GLG1: variants seen among roughly 807,000 people sequenced by gnomAD.
GLG1 encodes Golgi apparatus protein 1.
A neutral mutation model predicts 160.5 loss-of-function variants in GLG1; 38 were observed. The ratio of observed to expected loss-of-function variants is 0.24; its 90% CI spans 0.18 to 0.31. The LOEUF is 0.31. GLG1 is among the 10% of genes least tolerant of loss of function. The pLI, the probability that GLG1 is intolerant of heterozygous loss-of-function variation, is 1.00. For synonymous variants in GLG1, 644 were observed against 543.4 expected (o/e 1.19, Z -2.57); for missense variants, 1,373 against 1,505.2 (o/e 0.91, Z 1.45).
At chr16:74,566,398 T>G (rs2018655393) in intron 1 of GLG1, among the ~76,000 whole-genome samples, 1 of 152,246 alleles carries the variant, frequency 6.6e-6, no homozygotes, top group Non-Finnish European at 1.5e-5. Flanking sequence ...CTACCACGGC[T>G]TCATCGTTCC....
At chr16:74,473,216 T>C (rs1209157131) in intron 13 of GLG1, among the ~76,000 whole-genome samples, 1 of 152,064 alleles carries the variant, frequency 6.6e-6, no homozygotes, top group Admixed American at 6.6e-5. Context: ...TCCCCCTTTT[T>C]TTTTTTCTTT....
chr16:74,529,271 G>A (rs982253800), intron 2 of GLG1, among the ~76,000 whole-genome samples: 1 of 152,036 alleles, frequency 6.6e-6, no homozygotes, highest in East Asian at 1.9e-4. Flanking sequence ...ACCTGGCCAT[G>A]AATCTGTTTT....
rs1671703336 is a variant in GLG1, at chr16:74,450,925, T to C, written c.*2242A>G. On this transcript the variant is annotated 3_prime_UTR_variant, in exon 26 of 26. Coordinates refer to ENST00000422840, the MANE Select transcript of GLG1 (RefSeq NM_001145667.2). ...CCAAATCTGCAGACAACGAATGGGA[T>C]TTTCTCTCAATTCAGAAAGAACAGA... 2 of 151,076 alleles carry C rather than the reference T, an allele frequency of 1.3e-5. No homozygotes were observed. The highest frequency in any genetic ancestry group is 2.9e-5 in the Non-Finnish European group (2 of 67,908). The allele number at this position is 151,076 out of a possible 1,614,324, so 9.4% of individuals were successfully genotyped here.
chr16:74,470,946 G>A (rs968400765), intron 15 of GLG1, among the ~76,000 whole-genome samples: 4 of 150,684 alleles, frequency 2.7e-5, no homozygotes, highest in Admixed American at 6.6e-5. Context: ...CAGTAGAGAC[G>A]GAGTTTCACC....
At chr16:74,584,050 T>C (rs909157082) in intron 1 of GLG1, among the ~76,000 whole-genome samples, 2 of 152,192 alleles carry the variant, frequency 1.3e-5, no homozygotes, top group Admixed American at 6.6e-5. Context: ...GAGGTCTCAT[T>C]GTAACAGCAG....
intron 1 of GLG1, among the ~76,000 whole-genome samples, chr16:74,585,124 C>A (rs1958018767): frequency 3.1e-4 from 1 of 3,268 alleles, no homozygotes; most frequent in Admixed American, 4.5e-3. Flanking sequence ...GTAAAATTGA[C>A]CAGGCACAGT....
chr16:74,483,378 G>A (rs1056003588), intron 9 of GLG1, among the ~76,000 whole-genome samples: 3 of 152,176 alleles, frequency 2.0e-5, no homozygotes, highest in African/African-American at 7.2e-5. Flanking sequence ...AACTGGTTAT[G>A]AAAACTTTCC....
chr16:74,548,613 G>T (rs1296849682), intron 1 of GLG1, among the ~76,000 whole-genome samples: 1 of 151,866 alleles, frequency 6.6e-6, no homozygotes, highest in Non-Finnish European at 1.5e-5. Context: ...CTTCCTTCGT[G>T]GACAATTTTT....
intron 7 of GLG1, 132 bp from the exon 8 acceptor site, chr16:74,491,347 A>T: frequency 1.4e-6 from 1 of 701,320 alleles, no homozygotes; most frequent in Non-Finnish European, 2.4e-6. Context: ...ACATCTGAAA[A>T]GTTTAGAATT....
rs533238774 is a variant in GLG1, at chr16:74,505,371, T to C, written c.559-1625A>G. Among the ~76,000 whole-genome samples the C allele has an allele frequency of 2.6e-5, 4 of 152,320 alleles. No homozygotes were observed. The South Asian group carries it at 6.2e-4, about 24-fold the overall frequency. On this transcript the variant is annotated intron_variant, in intron 3 of 25. Coordinates refer to ENST00000422840, the MANE Select transcript of GLG1 (RefSeq NM_001145667.2). Reference sequence around the variant, plus strand: ...CAGAGACAGCAGAGATTTTCAACAGTCAAGATGAATGAAATTCTTTCAGTT... The same window carrying C: ...CAGAGACAGCAGAGATTTTCAACAGCCAAGATGAATGAAATTCTTTCAGTT...
At chr16:74,531,729 A>G (rs2017541140) in intron 2 of GLG1, among the ~76,000 whole-genome samples, 1 of 152,124 alleles carries the variant, frequency 6.6e-6, no homozygotes, top group Non-Finnish European at 1.5e-5. Flanking sequence ...AGCACCCAAT[A>G]CTTTTTGCAC....
chr16:74,564,255 C>A (rs2018589832), intron 1 of GLG1, among the ~76,000 whole-genome samples: 1 of 152,166 alleles, frequency 6.6e-6, no homozygotes, highest in African/African-American at 2.4e-5. Context: ...GATGAATATA[C>A]TGGATATTAC....
At chr16:74,559,601 G>A (rs535115902) in intron 1 of GLG1, among the ~76,000 whole-genome samples, 2 of 152,046 alleles carry the variant, frequency 1.3e-5, no homozygotes, top group Non-Finnish European at 2.9e-5. Context: ...ATTTTAGAGA[G>A]TGAAATATGC....
chr16:74,522,964 C>T (rs2017217482), intron 2 of GLG1, among the ~76,000 whole-genome samples: 1 of 152,138 alleles, frequency 6.6e-6, no homozygotes, highest in Admixed American at 6.6e-5. Flanking sequence ...GATTACAGGC[C>T]AGAGCCACGG....
chr16:74,545,429 C>T (rs1043732668), intron 1 of GLG1, among the ~76,000 whole-genome samples: 8 of 152,166 alleles, frequency 5.3e-5, no homozygotes, highest in Non-Finnish European at 1.2e-4. Context: ...GATCCACACA[C>T]CTCAGCCTCC....
intron 24 of GLG1, 69 bp downstream of exon 24, chr16:74,457,805 G>A (rs2014617804): frequency 2.1e-6 from 3 of 1,453,488 alleles, no homozygotes; most frequent in Non-Finnish European, 2.9e-6. Flanking sequence ...TGCAACTGAT[G>A]TCTAAGAGGG....
intron 18 of GLG1, among the ~76,000 whole-genome samples, chr16:74,466,429 T>C (rs2015002980): frequency 6.6e-6 from 1 of 152,134 alleles, no homozygotes; most frequent in Non-Finnish European, 1.5e-5. Context: ...TCAGATATCA[T>C]GAAAAGAAAG....
chr16:74,523,354 G>A lies in GLG1; in HGVS notation c.471+8767C>T, dbSNP rs934978187. On this transcript the variant is annotated intron_variant, in intron 2 of 25. Transcript: ENST00000422840. The stretch of plus-strand genomic sequence containing the variant: ...CTTCTACCACACTGCCTTAATTACC[G>A]CTGCTTTACGGTAACTCTTCCACCA... Among the ~76,000 whole-genome samples the A allele has an allele frequency of 3.9e-5, 6 of 152,026 alleles. No individual in the cohort carries two copies. In the East Asian group the frequency reaches 5.8e-4, roughly 15 times the overall value.
chr16:74,483,607 C>G (rs928699388), intron 9 of GLG1, among the ~76,000 whole-genome samples: 2 of 151,948 alleles, frequency 1.3e-5, no homozygotes, highest in Non-Finnish European at 2.9e-5. Flanking sequence ...ATTTTAAAAG[C>G]TTTACTATCA....
Sources: gnomAD v4.1 joint callset for allele counts (sites outside exome capture counted in the v4.1 genomes callset) on GRCh38, gnomAD v4.1.1 for gene constraint, MANE v1.5 for transcripts, NCBI Gene and HGNC (gene_info 2026-07-23, HGNC 2026-07-21) for gene names.